Variants in OS9 observed in about 807,000 individuals in gnomAD.
The protein encoded by OS9 is protein OS-9.
OS9 carries 58 observed loss-of-function variants against 84.7 expected under a neutral mutation model. The ratio of observed to expected loss-of-function variants is 0.68; its 90% CI spans 0.55 to 0.85. OS9 has a LOEUF of 0.85. Among genes scored for constraint, OS9 ranks in the 40% least tolerant of loss-of-function variants. OS9 has a pLI of 0.00. For synonymous variants in OS9, 278 were observed against 320.8 expected (o/e 0.87, Z 1.43); for missense variants, 760 against 850.9 (o/e 0.89, Z 1.33).
intron 14 of OS9, 102 bp downstream of exon 14, chr12:57,720,620 G>A: frequency 7.9e-7 from 1 of 1,273,646 alleles, no homozygotes; most frequent in Non-Finnish European, 1.1e-6. Context: ...TTCCTGATCT[G>A]TAAGACAAGG....
At chr12:57,699,150 A>G (rs1224402221) in intron 5 of OS9, among the ~76,000 whole-genome samples, 1 of 152,168 alleles carries the variant, frequency 6.6e-6, no homozygotes, top group Admixed American at 6.5e-5. Flanking sequence ...TTCCTGAGAT[A>G]GGTATAATGA....
intron 5 of OS9, among the ~76,000 whole-genome samples, chr12:57,704,405 C>T (rs1031307995): frequency 6.6e-6 from 1 of 152,024 alleles, no homozygotes; most frequent in African/African-American, 2.4e-5. Context: ...GGCGTGGTGG[C>T]GCACACCTGT....
intron 7 of OS9, 71 bp downstream of exon 7, chr12:57,716,264 G>A (rs1200941094): frequency 4.9e-6 from 3 of 616,422 alleles, no homozygotes; most frequent in Non-Finnish European, 8.5e-6. Flanking sequence ...TTACTGTCCT[G>A]ACTGACTGGT....
chr12:57,697,924 T>TAAGCAA (rs1953906600), intron 5 of OS9, among the ~76,000 whole-genome samples: 1,037 of 91,454 alleles, frequency 0.011, 51 homozygotes, highest in African/African-American at 0.039. Context: ...CACACACACA[T>TAAGCAA]ACACACACAC....
At chr12:57,696,433 G>T in intron 5 of OS9, 60 bp downstream of exon 5, 1 of 565,530 alleles carries the variant, frequency 1.8e-6, no homozygotes. Context: ...TCTAAGGGAA[G>T]AGGGTTGCAT....
At chr12:57,716,798 G>A (rs1337841428) in intron 9 of OS9, 54 bp downstream of exon 9, 4 of 1,528,790 alleles carry the variant, frequency 2.6e-6, no homozygotes, top group Admixed American at 1.7e-5. Flanking sequence ...ATTGGCAGGG[G>A]TAGGGATGGA....
intron 2 of OS9, 114 bp from the exon 3 acceptor site, chr12:57,695,666 A>G: frequency 1.3e-6 from 1 of 768,428 alleles, no homozygotes; most frequent in Non-Finnish European, 2.4e-6. Flanking sequence ...TGAAGGGAAG[A>G]GAATTGAGTG....
chr12:57,717,967 C>A lies in OS9; in HGVS notation c.1134+9C>A. ...AAGGTGGAACAAAAAAGGTATAGGC[C>A]GTGCTTAGGGAATGGGTAGAACCCA... On this transcript the variant is annotated intron_variant, in intron 10 of 14. Coordinates refer to ENST00000315970, the MANE Select transcript of OS9 (RefSeq NM_006812.4). The A allele has an allele frequency of 6.2e-7, 1 of 1,601,800 alleles. No individual in the cohort carries two copies. The highest frequency in any genetic ancestry group is 1.1e-5 in the South Asian group (1 of 88,600).
chr12:57,716,630 C>T, intron 8 of OS9, 63 bp from the exon 9 acceptor site: 1 of 1,568,174 alleles, frequency 6.4e-7, no homozygotes, highest in Non-Finnish European at 8.8e-7. Flanking sequence ...GAACCTTTGC[C>T]TTCATAGTAT....
At chr12:57,700,491 G>A (rs75231257) in intron 5 of OS9, among the ~76,000 whole-genome samples, 3,768 of 152,256 alleles carry the variant, frequency 0.025, 81 homozygotes, top group Non-Finnish European at 0.042. Context: ...CTAGTTTTCA[G>A]TTCTTATGCC....
At chr12:57,700,219 T>C (rs961862204) in intron 5 of OS9, among the ~76,000 whole-genome samples, 1 of 151,924 alleles carries the variant, frequency 6.6e-6, no homozygotes, top group African/African-American at 2.4e-5. Context: ...GAGGGGGCAT[T>C]CTGTGGTTGG....
intron 5 of OS9, among the ~76,000 whole-genome samples, chr12:57,705,157 T>C (rs905177697): frequency 6.6e-6 from 1 of 152,192 alleles, no homozygotes; most frequent in Non-Finnish European, 1.5e-5. Context: ...AGCTTTTTCA[T>C]AAATCTTGGT....
At chr12:57,695,335 A>G (rs1953793086) in intron 2 of OS9, among the ~76,000 whole-genome samples, 1 of 152,210 alleles carries the variant, frequency 6.6e-6, no homozygotes, top group African/African-American at 2.4e-5. Context: ...GATTCCCCGC[A>G]TTAGAGTGTA....
chr12:57,720,766 T>C lies in OS9; in HGVS notation c.1879-18T>C. 1 of 1,591,906 alleles carries C rather than the reference T, an allele frequency of 6.3e-7. No homozygotes were observed. Among genetic ancestry groups the C allele is most frequent in the Non-Finnish European group, 8.6e-7 (1 of 1,169,050 alleles). On this transcript the variant is annotated intron_variant, in intron 14 of 14. Coordinates refer to ENST00000315970, the MANE Select transcript of OS9 (RefSeq NM_006812.4). ...CAACGGCCAGTAGCTCCAGCCCACC[T>C]CTACCCTCTCCCACCAGGTGCCGGG...
rs1349591331 is a variant in OS9 at position 57,718,248 on chromosome 12, A to T, written c.1237A>T (p.Met413Leu). The change falls in exon 11 of 15, where the codon ATG (methionine) becomes TTG (leucine). Residue 413 changes from methionine (M) to leucine (L), a missense_variant. Physicochemically the swap from Met to Leu is conservative, Grantham distance 15 (BLOSUM62 2). Transcript: ENST00000315970. Reference sequence around the variant, plus strand: ...GGGTGATCCAGAACGGCAGAGAGAGATGGAAGAAGAGGAGGATGAGGATGA... The same window carrying T: ...GGGTGATCCAGAACGGCAGAGAGAGTTGGAAGAAGAGGAGGATGAGGATGA... Reference protein sequence around the residue: ...ERGDPERQREMEEEEDEDEDE... With the variant: ...ERGDPERQRELEEEEDEDEDE... 1.9e-6 allele frequency: 3 copies of T among 1,614,168 alleles called. No homozygotes were observed. Among genetic ancestry groups the T allele is most frequent in the Non-Finnish European group, 2.5e-6 (3 of 1,180,028 alleles).
intron 12 of OS9, chr12:57,719,424 C>T (rs879844472): frequency 8.9e-5 from 47 of 530,104 alleles, no homozygotes; most frequent in Non-Finnish European, 1.4e-4. Context: ...CTGGTTTGCT[C>T]CTGTACACCC....
chr12:57,719,586 G>A lies in OS9; in HGVS notation c.1600+404G>A, dbSNP rs968526008. ...AATAGGAGAGCCCAGCTGCACATGAGCCAATAGCTTGGATAGACTTTAAAT... is the reference window on the plus strand; with the variant it reads ...AATAGGAGAGCCCAGCTGCACATGAACCAATAGCTTGGATAGACTTTAAAT... On this transcript the variant is annotated intron_variant, in intron 12 of 14. Transcript: ENST00000315970. 1.4e-5 allele frequency: 3 copies of A among 208,602 alleles called. No homozygotes were observed. The South Asian group carries it at 3.0e-4, about 21-fold the overall frequency. 12.9% of individuals were successfully genotyped at this position (208,602 alleles called of 1,614,324 possible). A position where few individuals can be genotyped will look rare whatever the true frequency, so the allele number is the denominator to read the frequency against.
chr12:57,705,672 C>T (rs568703347), intron 5 of OS9, among the ~76,000 whole-genome samples: 4 of 152,152 alleles, frequency 2.6e-5, no homozygotes, highest in East Asian at 1.9e-4. Flanking sequence ...ATTACAGGTG[C>T]GTACCACCAC....
Position 57,717,924 on chromosome 12 carries a change from G to A in OS9, c.1100G>A (p.Arg367Gln). 2.5e-6 allele frequency: 4 copies of A among 1,612,198 alleles called. No homozygotes were observed. Among genetic ancestry groups the A allele is most frequent in the South Asian group, 1.1e-5 (1 of 90,690 alleles). The change falls in exon 10 of 15, where the codon CGA (arginine) becomes CAA (glutamine). Residue 367 changes from arginine to glutamine, a missense_variant. By Grantham distance (43) the Arg-to-Gln change is conservative. Coordinates refer to ENST00000315970, the MANE Select transcript of OS9 (RefSeq NM_006812.4). ...ATTCGAAGCCCTGCGGATTTGATTC[G>A]ATTCATAGAGGAGCTGAAAGGTGGA... ...KVIRSPADLI[R>Q]FIEELKGGTK...
Sources: gnomAD v4.1 joint callset for allele counts (sites outside exome capture counted in the v4.1 genomes callset) on GRCh38, gnomAD v4.1.1 for gene constraint, MANE v1.5 for transcripts, NCBI Gene and HGNC (gene_info 2026-07-23, HGNC 2026-07-21) for gene names.